Variants in TEX11 observed in about 807,000 individuals in gnomAD.
The protein encoded by TEX11 is testis expressed 11.
A neutral mutation model predicts 84.4 loss-of-function variants in TEX11; 7 were observed. That is an observed-to-expected ratio of 0.08 (90% CI 0.05 to 0.16). TEX11 has a LOEUF of 0.16. Ranked by LOEUF, TEX11 falls within the 10% of genes least tolerant of loss-of-function variation. The pLI is 1.00. For synonymous variants in TEX11, 264 were observed against 222.8 expected, an observed-to-expected ratio of 1.18 and a Z score of -1.64; for missense variants, 551 against 660.5, an observed-to-expected ratio of 0.83 and a Z score of 1.82.
intron 28 of TEX11, among the ~76,000 whole-genome samples, chrX:70,544,397 C>T (rs757164969): frequency 9.8e-4 from 106 of 108,224 alleles, no homozygotes; most frequent in Non-Finnish European, 1.7e-3. Context: ...TGTGGTGGTG[C>T]GCACGTGTGG....
intron 2 of TEX11, chrX:70,897,735 GAAAA>G (rs1314776172): frequency 6.2e-5 from 6 of 96,635 alleles, no homozygotes; most frequent in Admixed American, 2.3e-4. Context: ...AAGAAAGAAA[GAAAA>G]GAGACAAGAG....
rs2091676548 is a variant in TEX11, at chrX:70,880,454, A to G, written c.38-345T>C. ...ACACGTCTTTAGCCCTAGCTAGTCC[A>G]AAGGCTGAGGTAGGAGGATCACTTG... is the stretch of plus-strand genomic sequence containing the variant. On this transcript the variant is annotated intron_variant, in intron 2 of 29. Transcript: ENST00000374333. Among the ~76,000 whole-genome samples, 3 of 111,216 alleles carry G rather than the reference A, an allele frequency of 2.7e-5. No individual in the cohort carries two copies. In the South Asian group the frequency reaches 1.1e-3, roughly 42 times the overall value.
At chrX:70,650,255 T>C (rs944328779) in intron 17 of TEX11, among the ~76,000 whole-genome samples, 1 of 111,004 alleles carries the variant, frequency 9.0e-6, no homozygotes, top group African/African-American at 3.3e-5. Flanking sequence ...ATAAACCTCA[T>C]AGGACCATAC....
intron 25 of TEX11, among the ~76,000 whole-genome samples, chrX:70,579,364 G>A (rs746734157): frequency 1.3e-4 from 14 of 106,490 alleles, no homozygotes; most frequent in South Asian, 4.4e-4. Flanking sequence ...GTGTGGTGGC[G>A]GGCGCCTGTA....
intron 20 of TEX11, among the ~76,000 whole-genome samples, chrX:70,622,951 T>C (rs1290142998): frequency 8.9e-6 from 1 of 112,210 alleles, no homozygotes; most frequent in Non-Finnish European, 1.9e-5. Flanking sequence ...AATTTCTTAG[T>C]ATCAGCAAAT....
chrX:70,736,970 C>T (rs1384536531), intron 11 of TEX11, among the ~76,000 whole-genome samples: 1 of 111,339 alleles, frequency 9.0e-6, no homozygotes, highest in Admixed American at 9.6e-5. Flanking sequence ...CAGCAGCCAA[C>T]GATGTAAAAT....
chrX:70,765,053 T>C (rs763664025), intron 9 of TEX11, among the ~76,000 whole-genome samples: 12 of 111,759 alleles, frequency 1.1e-4, no homozygotes, highest in Non-Finnish European at 2.3e-4. Context: ...TGATGAATAT[T>C]GATGCAAAAA....
chrX:70,608,105 C>T (rs553967622), intron 22 of TEX11, among the ~76,000 whole-genome samples: 3 of 111,630 alleles, frequency 2.7e-5, no homozygotes. Context: ...TGAAATAGAG[C>T]CATTATAAAG....
chrX:70,711,155 A>G (rs1483449955), intron 13 of TEX11, among the ~76,000 whole-genome samples: 2 of 111,308 alleles, frequency 1.8e-5, no homozygotes, highest in Non-Finnish European at 1.9e-5. Context: ...TCCATGGTGT[A>G]TATGTGCCAC....
intron 24 of TEX11, among the ~76,000 whole-genome samples, chrX:70,603,701 T>C (rs906346194): frequency 2.7e-5 from 3 of 111,008 alleles, no homozygotes; most frequent in Non-Finnish European, 3.8e-5. Flanking sequence ...AATTGACAAA[T>C]GGGATCTAAT....
At position 70,652,057 on chromosome X, in the gene TEX11, C is replaced by T. The variant is rs559024203; in HGVS notation, c.1381-505G>A. Among the ~76,000 whole-genome samples, 6 of 111,307 alleles carry T rather than the reference C, an allele frequency of 5.4e-5. No homozygotes were observed. In the South Asian group the frequency reaches 2.3e-3, roughly 42 times the overall value. On this transcript the variant is annotated intron_variant, in intron 16 of 29. Coordinates refer to ENST00000374333, the MANE Select transcript of TEX11 (RefSeq NM_031276.3). ...TAGGGACAAGCCAAAAGTAAACCCA[C>T]TCCTACCCACATCCCTGGAAAACTG... is the stretch of plus-strand genomic sequence containing the variant.
intron 9 of TEX11, among the ~76,000 whole-genome samples, chrX:70,766,930 T>G (rs1050835671): frequency 2.7e-5 from 3 of 111,854 alleles, no homozygotes; most frequent in African/African-American, 9.7e-5. Flanking sequence ...AGAATGAAAC[T>G]AGACCCCTAT....
At chrX:70,658,138 G>A (rs1483933980) in intron 16 of TEX11, among the ~76,000 whole-genome samples, 2 of 111,324 alleles carry the variant, frequency 1.8e-5, no homozygotes, top group African/African-American at 6.5e-5. Context: ...TTAGCGGTGG[G>A]GCGTCGTGAC....
intron 26 of TEX11, 44 bp from the exon 27 acceptor site, chrX:70,553,458 C>T: frequency 1.1e-6 from 1 of 933,049 alleles, no homozygotes; most frequent in Non-Finnish European, 1.5e-6. Flanking sequence ...GATAATGTCA[C>T]CCATCACAGT....
At chrX:70,850,436 T>C (rs945798586) in intron 7 of TEX11, among the ~76,000 whole-genome samples, 2 of 110,769 alleles carry the variant, frequency 1.8e-5, no homozygotes, top group African/African-American at 3.3e-5. Flanking sequence ...TTTGAGCTTG[T>C]GGACAATTAA....
At chrX:70,638,520 C>T (rs2089602379) in intron 17 of TEX11, among the ~76,000 whole-genome samples, 1 of 111,030 alleles carries the variant, frequency 9.0e-6, no homozygotes, top group Non-Finnish European at 1.9e-5. Context: ...AACAAAATCA[C>T]CAGGTATGGT....
chrX:70,713,023 G>A (rs1348085654), intron 13 of TEX11, among the ~76,000 whole-genome samples: 11 of 111,575 alleles, frequency 9.9e-5, no homozygotes, highest in Admixed American at 8.6e-4. Context: ...TTTGTCAAAG[G>A]CCTTTTCTGC....
intron 15 of TEX11, among the ~76,000 whole-genome samples, chrX:70,677,418 T>C (rs2090081821): frequency 8.9e-6 from 1 of 111,743 alleles, no homozygotes; most frequent in Non-Finnish European, 1.9e-5. Context: ...CTGTTCCCGC[T>C]AATATTTTTA....
chrX:70,652,824 G>A (rs190172756), intron 16 of TEX11, among the ~76,000 whole-genome samples: 25 of 111,384 alleles, frequency 2.2e-4, no homozygotes, highest in Non-Finnish European at 4.2e-4. Flanking sequence ...AGCACAGAGC[G>A]ATTACAAACA....
Sources: gnomAD v4.1 joint callset for allele counts (sites outside exome capture counted in the v4.1 genomes callset) on GRCh38, gnomAD v4.1.1 for gene constraint, MANE v1.5 for transcripts, NCBI Gene and HGNC (gene_info 2026-07-23, HGNC 2026-07-21) for gene names.